Variants in TBC1D12 observed in about 807,000 individuals in gnomAD.
TBC1D12 encodes the protein TBC1 domain family member 12.
A neutral mutation model predicts 86.7 loss-of-function variants in TBC1D12; 56 were observed. The observed-to-expected ratio is 0.65, with a 90% CI of 0.52 to 0.81. The LOEUF is 0.81. Among genes scored for constraint, TBC1D12 ranks in the 30% least tolerant of loss-of-function variants. The pLI is 0.00. For synonymous variants in TBC1D12, 421 were observed against 411.7 expected (o/e 1.02, Z -0.27); for missense variants, 1,023 against 1,038.8 (o/e 0.98, Z 0.21).
Position 94,533,097 on chromosome 10 carries a change from T to C in TBC1D12, c.*1T>C, listed in dbSNP as rs770298893. On this transcript the variant is annotated 3_prime_UTR_variant, in exon 13 of 13. Coordinates refer to ENST00000225235, the MANE Select transcript of TBC1D12 (RefSeq NM_015188.2). ...CAGTAGTCCTGCTTTGAAAAGCTAG[T>C]CTTCAAAATTGACAGACTAACTGAC... The C allele has an allele frequency of 3.2e-6, 5 of 1,580,502 alleles. No homozygotes were observed. The South Asian group carries it at 5.8e-5, about 18-fold the overall frequency.
At chr10:94,413,361 T>C (rs1418680819) in intron 1 of TBC1D12, among the ~76,000 whole-genome samples, 2 of 152,234 alleles carry the variant, frequency 1.3e-5, no homozygotes, top group East Asian at 3.8e-4. Flanking sequence ...ACTTGTAAGA[T>C]TTTCCTCAGG....
In TBC1D12 at chr10:94,403,718, G is replaced by T. The variant is rs2054809868; in HGVS notation, c.971+134G>T. On this transcript the variant is annotated intron_variant, in intron 1 of 12. Coordinates refer to ENST00000225235, the MANE Select transcript of TBC1D12 (RefSeq NM_015188.2). ...GGCCGCTTCCGTGCCAGCCCCACAC[G>T]CGTCAGGACTTAGCTTTGATTTGTC... 15 of 1,107,610 alleles carry T rather than the reference G, an allele frequency of 1.4e-5. No individual in the cohort carries two copies. In the East Asian group the frequency reaches 2.2e-4, roughly 16 times the overall value. 68.6% of individuals were successfully genotyped at this position (1,107,610 alleles called of 1,614,324 possible).
intron 5 of TBC1D12, among the ~76,000 whole-genome samples, chr10:94,497,676 C>A (rs184927341): frequency 7.5e-6 from 1 of 133,372 alleles, no homozygotes; most frequent in Non-Finnish European, 1.6e-5. Context: ...CCTGCCACCG[C>A]GCCTGGCTAA....
intron 9 of TBC1D12, among the ~76,000 whole-genome samples, chr10:94,514,919 T>C (rs2056570711): frequency 1.4e-5 from 2 of 146,944 alleles, no homozygotes; most frequent in South Asian, 2.2e-4. Flanking sequence ...TTTTTTTTTT[T>C]TTTTTTGAGA....
chr10:94,432,157 G>A (rs1247531841), intron 1 of TBC1D12, among the ~76,000 whole-genome samples: 2 of 151,976 alleles, frequency 1.3e-5, no homozygotes, highest in African/African-American at 2.4e-5. Flanking sequence ...TCTGTCTGTC[G>A]GTCTGTCTTT....
intron 2 of TBC1D12, among the ~76,000 whole-genome samples, 178 bp downstream of exon 2, chr10:94,442,197 G>A (rs370731608): frequency 6.6e-6 from 1 of 151,268 alleles, no homozygotes; most frequent in Admixed American, 6.6e-5. Flanking sequence ...TAGAAAAACA[G>A]GTCATATATT....
chr10:94,512,625 A>G (rs1259371926), intron 9 of TBC1D12, among the ~76,000 whole-genome samples: 4 of 152,248 alleles, frequency 2.6e-5, no homozygotes, highest in Admixed American at 2.0e-4. Context: ...CAGACAATAA[A>G]CAACAAACAA....
chr10:94,455,980 T>G (rs1197048431), intron 2 of TBC1D12, among the ~76,000 whole-genome samples: 2 of 152,256 alleles, frequency 1.3e-5, no homozygotes, highest in African/African-American at 4.8e-5. Context: ...TTCATAATAC[T>G]TATTCATTAT....
At chr10:94,459,093 CAG>C (rs1177266117) in intron 2 of TBC1D12, among the ~76,000 whole-genome samples, 7 of 151,388 alleles carry the variant, frequency 4.6e-5, no homozygotes, top group African/African-American at 1.7e-4. Context: ...GTCCATTTTA[CAG>C]AGAGCTGATT....
chr10:94,525,972 AT>A (rs1461223041), intron 11 of TBC1D12, among the ~76,000 whole-genome samples: 3 of 152,170 alleles, frequency 2.0e-5, no homozygotes, highest in Non-Finnish European at 4.4e-5. Flanking sequence ...TAGTTGTCCT[AT>A]TTGAAACCAT....
intron 1 of TBC1D12, among the ~76,000 whole-genome samples, chr10:94,403,950 A>G (rs1460971521): frequency 2.0e-5 from 3 of 152,020 alleles, no homozygotes; most frequent in Non-Finnish European, 4.4e-5. Context: ...CTCCGTCTCC[A>G]ATTTTTAAAA....
At position 94,446,626 on chromosome 10, in the gene TBC1D12, G is replaced by A. The variant is rs142398955; in HGVS notation, c.1095+4607G>A. Among the ~76,000 whole-genome samples, 454 of 152,186 alleles carry A rather than the reference G, an allele frequency of 3.0e-3. 3 individuals are homozygous for A. Among genetic ancestry groups the A allele is most frequent in the African/African-American group, 0.01 (428 of 41,512 alleles). On this transcript the variant is annotated intron_variant, in intron 2 of 12. Transcript: ENST00000225235. ...GCTGGCCTCAAACTCCTGGGCTCAAGCAATCTTCCCGTCTTAGCCTCCTGA... is the reference window on the plus strand; with the variant it reads ...GCTGGCCTCAAACTCCTGGGCTCAAACAATCTTCCCGTCTTAGCCTCCTGA...
chr10:94,462,883 T>C (rs2055750773), intron 2 of TBC1D12, among the ~76,000 whole-genome samples: 1 of 152,214 alleles, frequency 6.6e-6, no homozygotes, highest in African/African-American at 2.4e-5. Context: ...TTTTCACTTC[T>C]TGTTTTTTGT....
rs1486328897 is a variant in TBC1D12 at position 94,531,366 on chromosome 10, T to G, written c.2165T>G (p.Phe722Cys). 1 of 1,614,128 alleles carries G rather than the reference T, an allele frequency of 6.2e-7. No homozygotes were observed. Among genetic ancestry groups the G allele is most frequent in the Non-Finnish European group, 8.5e-7 (1 of 1,180,012 alleles). ...ATGGACTTTATTCATATAGCACAGT[T>G]TCTAACTAAATTGCCAGAAGATATC... is the stretch of plus-strand genomic sequence containing the variant. Reference protein sequence around the residue: ...LQMDFIHIAQFLTKLPEDITS... With the variant: ...LQMDFIHIAQCLTKLPEDITS... Residue 722 changes from phenylalanine (F) to cysteine (C), a missense_variant, in exon 12 of 13, where the codon TTT becomes TGT. By Grantham distance (205) the Phe-to-Cys change is radical. This residue lies in a region of TBC1D12 where 395 missense variants were observed against 507.7 expected (regional missense o/e 0.78). Coordinates refer to ENST00000225235, the MANE Select transcript of TBC1D12 (RefSeq NM_015188.2).
chr10:94,524,974 C>T (rs923812602), intron 11 of TBC1D12, among the ~76,000 whole-genome samples: 4 of 151,910 alleles, frequency 2.6e-5, no homozygotes, highest in African/African-American at 7.3e-5. Flanking sequence ...TACAGGTATG[C>T]GTCACCATGC....
At chr10:94,464,385 TA>T (rs1225422614) in intron 2 of TBC1D12, among the ~76,000 whole-genome samples, 1 of 152,226 alleles carries the variant, frequency 6.6e-6, no homozygotes, top group Non-Finnish European at 1.5e-5. Flanking sequence ...ATTAGCTTAT[TA>T]GCTTTACCTT....
intron 3 of TBC1D12, among the ~76,000 whole-genome samples, chr10:94,488,293 C>T (rs2056198015): frequency 6.7e-6 from 1 of 150,162 alleles, no homozygotes; most frequent in South Asian, 2.1e-4. Flanking sequence ...GAGACTGAGG[C>T]AGGAGAATCG....
Position 94,490,260 on chromosome 10 carries a change from GAA to G in TBC1D12, c.1212-3095_1212-3094del, listed in dbSNP as rs112917155. 6.3e-4 allele frequency among the ~76,000 whole-genome samples: 83 copies of G among 132,770 alleles called. 2 individuals carry two copies. In the East Asian group the frequency reaches 0.021, roughly 34 times the overall value. 87.1% of individuals were successfully genotyped at this position (132,770 alleles called of 152,430 possible). On this transcript the variant is annotated intron_variant, in intron 3 of 12. Coordinates refer to ENST00000225235, the MANE Select transcript of TBC1D12 (RefSeq NM_015188.2). ...ACAAGAGTGAAACTCTGTTTCAAAA[GAA>G]AAAAAAAAAGAAATATTGCAAGAAT...
At chr10:94,502,247 G>A (rs1410710800) in intron 6 of TBC1D12, among the ~76,000 whole-genome samples, 2 of 151,904 alleles carry the variant, frequency 1.3e-5, no homozygotes, top group Admixed American at 6.6e-5. Context: ...CAGGAGAATC[G>A]CTTGAACCCA....
Sources: allele counts gnomAD v4.1 joint callset (sites outside exome capture counted in the v4.1 genomes callset), GRCh38; gene constraint gnomAD v4.1.1; regional missense constraint gnomAD v4.1.1; transcripts MANE v1.5; gene names NCBI Gene and HGNC (gene_info 2026-07-23, HGNC 2026-07-21).